SLC25A43: variants seen among roughly 807,000 people sequenced by gnomAD.
The protein encoded by SLC25A43 is solute carrier family 25 member 43, also known as solute carrier family 25, member 43.
In SLC25A43, 10 loss-of-function variants were observed where a neutral mutation model predicts 22.8. The observed-to-expected ratio is 0.44, with a 90% CI of 0.27 to 0.74. SLC25A43 has a LOEUF of 0.74. SLC25A43 is among the 30% of genes least tolerant of loss of function. SLC25A43 has a pLI of 0.17. For synonymous variants in SLC25A43, 106 were observed against 121.6 expected, an observed-to-expected ratio of 0.87 and a Z score of 0.84; for missense variants, 233 against 279.1, an observed-to-expected ratio of 0.83 and a Z score of 1.18.
chrX:119,424,346 A>T (rs1010254334), intron 3 of SLC25A43, among the ~76,000 whole-genome samples: 1 of 111,892 alleles, frequency 8.9e-6, no homozygotes, highest in African/African-American at 3.2e-5. Flanking sequence ...TACTCTTAGT[A>T]CTCCTATTTT....
intron 3 of SLC25A43, among the ~76,000 whole-genome samples, chrX:119,430,582 A>G (rs1178829877): frequency 8.9e-6 from 1 of 112,113 alleles, no homozygotes; most frequent in Non-Finnish European, 1.9e-5. Flanking sequence ...GCCTTGTGCC[A>G]TGGAAGGTCC....
chrX:119,399,498 C>T lies in SLC25A43; in HGVS notation c.95C>T (p.Pro32Leu). Residue 32 changes from proline (P) to leucine (L), a missense_variant, in exon 1 of 5, where the codon CCC (proline) becomes CTC (leucine). Coordinates refer to ENST00000217909, the MANE Select transcript of SLC25A43 (RefSeq NM_145305.3). ...AGTLSLSLTA[P>L]LELATVLAQV... The stretch of plus-strand genomic sequence containing the variant: ...ACGCTCAGCCTCAGCCTCACCGCGC[C>T]CCTGGAGCTCGCCACCGTGCTGGCC... 9.1e-7 allele frequency: 1 copy of T among 1,093,263 alleles called. No individual in the cohort carries two copies. Among genetic ancestry groups the T allele is most frequent in the Non-Finnish European group, 1.2e-6 (1 of 840,012 alleles). 90.1% of individuals were successfully genotyped at this position (1,093,263 alleles called of 1,213,427 possible). A position where few individuals can be genotyped will look rare whatever the true frequency, so the allele number is the denominator to read the frequency against.
chrX:119,418,343 G>A (rs1428576175), intron 3 of SLC25A43, among the ~76,000 whole-genome samples: 1 of 111,611 alleles, frequency 9.0e-6, no homozygotes, highest in Non-Finnish European at 1.9e-5. Flanking sequence ...CCACTGGGCT[G>A]CTCTGACCTG....
Position 119,453,365 on chromosome X carries a change from A to C in SLC25A43, c.*300A>C. On this transcript the variant is annotated 3_prime_UTR_variant, in exon 5 of 5. Transcript: ENST00000217909. Reference sequence around the variant, plus strand: ...GCTCTGAATAGAAACATGACACCAAAGAAAGGGCATTGCCATGACATCTCA... The same window carrying C: ...GCTCTGAATAGAAACATGACACCAACGAAAGGGCATTGCCATGACATCTCA... The C allele has an allele frequency of 3.7e-6, 1 of 266,943 alleles. No homozygotes were observed. The allele number at this position is 266,943 out of a possible 1,213,427, so 22.0% of individuals were successfully genotyped here.
intron 3 of SLC25A43, among the ~76,000 whole-genome samples, chrX:119,430,784 C>T (rs1356440959): frequency 8.9e-6 from 1 of 112,336 alleles, no homozygotes; most frequent in Non-Finnish European, 1.9e-5. Flanking sequence ...GGGATCTAGG[C>T]TTGCCATTGC....
At chrX:119,420,623 C>T (rs2052443895) in intron 3 of SLC25A43, among the ~76,000 whole-genome samples, 1 of 111,801 alleles carries the variant, frequency 8.9e-6, no homozygotes, top group South Asian at 3.7e-4. Context: ...TTGTGTCCTT[C>T]TTGATGGTCC....
chrX:119,449,413 CAAA>C (rs34141915), intron 3 of SLC25A43, among the ~76,000 whole-genome samples: 1 of 72,696 alleles, frequency 1.4e-5, no homozygotes. Flanking sequence ...GACTCTGTCT[CAAA>C]AAAAAAAAAA....
chrX:119,429,412 C>A (rs2052535349), intron 3 of SLC25A43, among the ~76,000 whole-genome samples: 1 of 112,016 alleles, frequency 8.9e-6, no homozygotes, highest in South Asian at 3.7e-4. Flanking sequence ...ACTGAACAAC[C>A]AAAACGTTGC....
intron 3 of SLC25A43, among the ~76,000 whole-genome samples, chrX:119,448,036 C>A (rs1433442779): frequency 1.8e-5 from 2 of 111,627 alleles, no homozygotes; most frequent in African/African-American, 3.3e-5. Context: ...AAAAAGCCAA[C>A]CTGCTTCTCC....
chrX:119,410,385 T>G, intron 3 of SLC25A43, 23 bp downstream of exon 3: 1 of 1,205,195 alleles, frequency 8.3e-7, no homozygotes, highest in Non-Finnish European at 1.1e-6. Flanking sequence ...CAGAGTGGGG[T>G]AGGGGGTGGA....
intron 3 of SLC25A43, among the ~76,000 whole-genome samples, chrX:119,416,465 C>T (rs779347878): frequency 6.2e-5 from 7 of 112,249 alleles, no homozygotes; most frequent in Non-Finnish European, 1.3e-4. Flanking sequence ...ATGATCTGCC[C>T]GCTTTGGCCT....
chrX:119,425,627 G>GAAAAAAA (rs58579795), intron 3 of SLC25A43, among the ~76,000 whole-genome samples: 1 of 85,451 alleles, frequency 1.2e-5, no homozygotes. Flanking sequence ...TTAGCAGTCA[G>GAAAAAAA]AAAAAAAAAA....
rs1206755252 is a variant in SLC25A43 at position 119,413,122 on chromosome X, G to GA, written c.690+2770dup. Reference sequence around the variant, plus strand: ...TGACAGAGAGAGACCCTGTCTCAAAGAAAAAAAAAAGTAATGCACATATAC... The same window carrying GA: ...TGACAGAGAGAGACCCTGTCTCAAAGAAAAAAAAAAAGTAATGCACATATAC... On this transcript the variant is annotated intron_variant, in intron 3 of 4. Coordinates refer to ENST00000217909, the MANE Select transcript of SLC25A43 (RefSeq NM_145305.3). 9.9e-4 allele frequency among the ~76,000 whole-genome samples: 99 copies of GA among 99,526 alleles called. 2 individuals carry two copies. In the East Asian group the frequency reaches 0.027, roughly 27 times the overall value. 86.4% of individuals were successfully genotyped at this position (99,526 alleles called of 115,157 possible).
intron 3 of SLC25A43, among the ~76,000 whole-genome samples, chrX:119,428,094 G>A (rs1434355500): frequency 8.9e-6 from 1 of 111,996 alleles, no homozygotes; most frequent in African/African-American, 3.2e-5. Flanking sequence ...GTACATTTAT[G>A]TTCTGTTTTT....
In SLC25A43 at chrX:119,443,116, C is replaced by CTTTTT. The variant is rs58081965; in HGVS notation, c.691-8876_691-8872dup. On this transcript the variant is annotated intron_variant, in intron 3 of 4. Transcript: ENST00000217909. Reference sequence around the variant, plus strand: ...CAGTCTTTCTTTTCCCATTCTCTCTCTTTTTTTTTTTTTTTTTTTTTGAGA... The same window carrying CTTTTT: ...CAGTCTTTCTTTTCCCATTCTCTCTCTTTTTTTTTTTTTTTTTTTTTTTTTTGAGA... Among the ~76,000 whole-genome samples, 29 of 73,448 alleles carry CTTTTT rather than the reference C, an allele frequency of 3.9e-4. 1 individual carries two copies. The highest frequency in any genetic ancestry group is 5.4e-4 in the Non-Finnish European group (22 of 40,403). 63.8% of individuals were successfully genotyped at this position (73,448 alleles called of 115,157 possible).
At chrX:119,401,308 G>C (rs971113862) in intron 1 of SLC25A43, among the ~76,000 whole-genome samples, 1 of 111,425 alleles carries the variant, frequency 9.0e-6, no homozygotes. Context: ...CTGTGTGCAC[G>C]ATGCTGAGGA....
chrX:119,443,448 C>CTTTTT (rs370848437), intron 3 of SLC25A43, among the ~76,000 whole-genome samples: 6 of 72,579 alleles, frequency 8.3e-5, no homozygotes, highest in African/African-American at 1.1e-4. Flanking sequence ...CTCTCTCTCT[C>CTTTTT]TTTTTTTTTT....
intron 1 of SLC25A43, among the ~76,000 whole-genome samples, chrX:119,399,922 C>G (rs1029273006): frequency 8.9e-6 from 1 of 112,709 alleles, no homozygotes; most frequent in Non-Finnish European, 1.9e-5. Flanking sequence ...GTCCGCAGCC[C>G]TGGTCCGAGA....
intron 3 of SLC25A43, among the ~76,000 whole-genome samples, chrX:119,441,394 G>A (rs971385317): frequency 1.0e-5 from 1 of 98,776 alleles, no homozygotes; most frequent in African/African-American, 3.7e-5. Flanking sequence ...AGATGAACCC[G>A]GTACCTCAGA....
Sources: allele counts gnomAD v4.1 joint callset (sites outside exome capture counted in the v4.1 genomes callset), GRCh38; gene constraint gnomAD v4.1.1; transcripts MANE v1.5; gene names NCBI Gene and HGNC (gene_info 2026-07-23, HGNC 2026-07-21).